GRID1: variants seen among roughly 807,000 people sequenced by gnomAD.
The protein encoded by GRID1 is glutamate receptor ionotropic, delta-1.
Under a neutral mutation model 98.0 loss-of-function variants are expected in GRID1, and 28 were observed. That is an observed-to-expected ratio of 0.29 (90% CI 0.21 to 0.39). The LOEUF (loss-of-function observed/expected upper bound fraction) is 0.39, where lower values mean the gene tolerates loss of function less well. Among genes scored for constraint, GRID1 ranks in the 10% least tolerant of loss-of-function variants. The pLI, the probability that GRID1 is intolerant of heterozygous loss-of-function variation, is 1.00. For synonymous variants in GRID1, 553 were observed against 538.5 expected (o/e 1.03, Z -0.37); for missense variants, 1,111 against 1,340.5 (o/e 0.83, Z 2.67).
chr10:85,679,810 C>T (rs1294453081), intron 12 of GRID1, among the ~76,000 whole-genome samples: 1 of 152,202 alleles, frequency 6.6e-6, no homozygotes, highest in Non-Finnish European at 1.5e-5. Flanking sequence ...CATGACAAAC[C>T]ATCTGTAACA....
intron 2 of GRID1, among the ~76,000 whole-genome samples, chr10:86,293,434 A>G (rs970648243): frequency 6.6e-6 from 1 of 152,216 alleles, no homozygotes; most frequent in South Asian, 2.1e-4. Context: ...AGCGCCAGCA[A>G]TGCCTTGGGG....
intron 12 of GRID1, among the ~76,000 whole-genome samples, chr10:85,675,585 T>A (rs988579092): frequency 8.5e-5 from 13 of 152,240 alleles, no homozygotes; most frequent in Non-Finnish European, 1.0e-4. Flanking sequence ...CTACTTAAAA[T>A]GTGTTCATGT....
chr10:85,927,794 G>A (rs1841796877), intron 4 of GRID1, among the ~76,000 whole-genome samples: 1 of 152,190 alleles, frequency 6.6e-6, no homozygotes. Flanking sequence ...TAGGATGGAA[G>A]AGTATGGTCA....
chr10:85,766,859 G>C (rs1842203178), intron 8 of GRID1, among the ~76,000 whole-genome samples: 1 of 151,404 alleles, frequency 6.6e-6, no homozygotes, highest in African/African-American at 2.4e-5. Flanking sequence ...TTTCATACCT[G>C]ATTTTACATT....
chr10:85,958,969 A>G (rs541647519), intron 4 of GRID1, among the ~76,000 whole-genome samples: 6 of 151,176 alleles, frequency 4.0e-5, no homozygotes, highest in Non-Finnish European at 8.8e-5. Context: ...AAAAAAAAAA[A>G]AAAGAAAGAA....
At chr10:85,965,454 C>T (rs1227868265) in intron 4 of GRID1, among the ~76,000 whole-genome samples, 1 of 152,000 alleles carries the variant, frequency 6.6e-6, no homozygotes, top group East Asian at 1.9e-4. Flanking sequence ...TACTATGCAG[C>T]CAGAAAAAAA....
intron 4 of GRID1, among the ~76,000 whole-genome samples, chr10:86,123,443 C>T (rs1213146722): frequency 1.3e-5 from 2 of 152,214 alleles, no homozygotes; most frequent in African/African-American, 4.8e-5. Context: ...AGTGTGGAAA[C>T]AGGCAGACAA....
In GRID1 at chr10:86,314,228, C is replaced by A. The variant is rs543866620; in HGVS notation, c.235+49713G>T. On this transcript the variant is annotated intron_variant, in intron 2 of 15. Coordinates refer to ENST00000327946, the MANE Select transcript of GRID1 (RefSeq NM_017551.3). The stretch of plus-strand genomic sequence containing the variant: ...AAGAGGTGGAACTGGCTGCTTTCAG[C>A]TGGTGCTCAGGGCCTGAGCTGCTGA... Among the ~76,000 whole-genome samples, 3 of 152,358 alleles carry A rather than the reference C, an allele frequency of 2.0e-5. No individual in the cohort carries two copies. The East Asian group carries it at 5.8e-4, about 29-fold the overall frequency.
intron 4 of GRID1, among the ~76,000 whole-genome samples, chr10:86,095,705 T>G (rs958335041): frequency 4.0e-5 from 6 of 151,840 alleles, no homozygotes; most frequent in Non-Finnish European, 8.8e-5. Flanking sequence ...AAAAAATTTT[T>G]TTAAAAGTAG....
intron 12 of GRID1, among the ~76,000 whole-genome samples, chr10:85,675,477 A>T (rs973158185): frequency 5.9e-5 from 9 of 152,326 alleles, no homozygotes; most frequent in African/African-American, 1.7e-4. Flanking sequence ...GGAATGACAG[A>T]CATCTTACGT....
chr10:86,173,377 C>T (rs1845522886), intron 3 of GRID1, among the ~76,000 whole-genome samples: 1 of 152,278 alleles, frequency 6.6e-6, no homozygotes, highest in South Asian at 2.1e-4. Flanking sequence ...CATAAGCATA[C>T]CTACAAAAAG....
chr10:85,938,888 G>A (rs1351412145), intron 4 of GRID1, among the ~76,000 whole-genome samples: 2 of 152,228 alleles, frequency 1.3e-5, no homozygotes, highest in Non-Finnish European at 2.9e-5. Flanking sequence ...AAAGTCACAT[G>A]AAAGTATATT....
rs539081399 is a variant in GRID1, at chr10:85,600,661, C to G, written c.*1612G>C. ...TGACGGGTCTGGAGATCAGACTAAC[C>G]TTTGTCTTTAGGAGAGGAACTGAAG... is the stretch of plus-strand genomic sequence containing the variant. On this transcript the variant is annotated 3_prime_UTR_variant, in exon 16 of 16. Coordinates refer to ENST00000327946, the MANE Select transcript of GRID1 (RefSeq NM_017551.3). 4.6e-5 allele frequency: 7 copies of G among 152,174 alleles called. No individual in the cohort carries two copies. The highest frequency in any genetic ancestry group is 1.7e-4 in the African/African-American group (7 of 41,440). 9.4% of individuals were successfully genotyped at this position (152,174 alleles called of 1,614,324 possible).
At chr10:85,933,329 G>A (rs1198947170) in intron 4 of GRID1, among the ~76,000 whole-genome samples, 1 of 151,290 alleles carries the variant, frequency 6.6e-6, no homozygotes, top group Middle Eastern at 3.4e-3. Context: ...TTAGATTCAG[G>A]GGTATATACA....
At chr10:86,004,749 C>CACACACACACACAA (rs10528713) in intron 4 of GRID1, among the ~76,000 whole-genome samples, 14 of 151,362 alleles carry the variant, frequency 9.2e-5, no homozygotes, top group Admixed American at 3.3e-4. Context: ...CTCACACACA[C>CACACACACACACAA]ACACACACAG....
intron 4 of GRID1, among the ~76,000 whole-genome samples, chr10:85,932,641 G>A (rs1321404748): frequency 1.7e-4 from 26 of 152,204 alleles, no homozygotes; most frequent in Non-Finnish European, 3.1e-4. Flanking sequence ...TTAGGGGAGA[G>A]CAGGGATAAA....
At chr10:86,144,864 G>A (rs1845062779) in intron 3 of GRID1, among the ~76,000 whole-genome samples, 1 of 152,162 alleles carries the variant, frequency 6.6e-6, no homozygotes, top group Non-Finnish European at 1.5e-5. Context: ...ATCCTGGACT[G>A]GCGGAGGCCT....
intron 5 of GRID1, among the ~76,000 whole-genome samples, chr10:85,892,504 C>A (rs1841217393): frequency 6.6e-6 from 1 of 151,116 alleles, no homozygotes. Flanking sequence ...GAGTCCTCAT[C>A]AAGGCAAGCC....
chr10:86,000,755 C>A (rs906381944), intron 4 of GRID1, among the ~76,000 whole-genome samples: 2 of 152,146 alleles, frequency 1.3e-5, no homozygotes, highest in Non-Finnish European at 2.9e-5. Flanking sequence ...AGCCTCACAC[C>A]TTTCCCAAAA....
Sources: allele counts gnomAD v4.1 joint callset (sites outside exome capture counted in the v4.1 genomes callset), GRCh38; gene constraint gnomAD v4.1.1; transcripts MANE v1.5; gene names NCBI Gene and HGNC (gene_info 2026-07-23, HGNC 2026-07-21).